Variants in ELSPBP1 observed in about 807,000 individuals in gnomAD.
The protein encoded by ELSPBP1 is epididymal sperm-binding protein 1.
In ELSPBP1, 38 loss-of-function variants were observed where a neutral mutation model predicts 33.3. The ratio of observed to expected loss-of-function variants is 1.14; its 90% CI spans 0.88 to 1.50. ELSPBP1 has a LOEUF of 1.50. ELSPBP1 is among the 40% of genes most tolerant of loss of function. ELSPBP1 has a pLI of 0.00. For synonymous variants in ELSPBP1, 85 were observed against 94.1 expected, an observed-to-expected ratio of 0.90 and a Z score of 0.56; for missense variants, 267 against 263.5, an observed-to-expected ratio of 1.01 and a Z score of -0.09.
In ELSPBP1 at chr19:48,019,727, G is replaced by A; in HGVS notation, c.364G>A (p.Gly122Arg). The change falls in exon 5 of 7, where the codon GGA becomes AGA. Residue 122 changes from glycine (G) to arginine (R), a missense_variant. Physicochemically the swap from Gly to Arg is moderately radical, Grantham distance 125. Coordinates refer to ENST00000339841, the MANE Select transcript of ELSPBP1 (RefSeq NM_022142.5). ...WKFCETNEYGGNSLRKPCIFP... is the reference protein window; with the variant it reads ...WKFCETNEYGRNSLRKPCIFP... The stretch of plus-strand genomic sequence containing the variant: ...TCCATAATCCTTTTCAGAGTATGGG[G>A]GAAATTCTCTCAGGAAGCCCTGCAT... The A allele has an allele frequency of 6.2e-7, 1 of 1,613,714 alleles. No individual in the cohort carries two copies. The highest frequency in any genetic ancestry group is 8.5e-7 in the Non-Finnish European group (1 of 1,179,886).
In ELSPBP1 at chr19:48,011,724, T is replaced by C. The variant is rs1967081954; in HGVS notation, c.71-2447T>C. Among the ~76,000 whole-genome samples the C allele has an allele frequency of 6.6e-6, 1 of 151,808 alleles. No homozygotes were observed. The highest frequency in any genetic ancestry group is 1.9e-4 in the East Asian group (1 of 5,148). The stretch of plus-strand genomic sequence containing the variant: ...TGATCATGACAATGATGATGAGCAT[T>C]ATGATGATGCCAATGACAATAGCGT... On this transcript the variant is annotated intron_variant, in intron 2 of 6. Transcript: ENST00000339841. This position sits in a 1 kb window ranked among gnomAD's most constrained non-coding sequence, Gnocchi z 4.5.
chr19:48,005,229 A>G (rs1023705029), intron 1 of ELSPBP1, among the ~76,000 whole-genome samples: 2 of 152,086 alleles, frequency 1.3e-5, no homozygotes, highest in African/African-American at 4.8e-5. Context: ...GAAAAAAGAA[A>G]AAAACAAAAA....
At chr19:48,004,387 A>C (rs1045065171) in intron 1 of ELSPBP1, among the ~76,000 whole-genome samples, 3 of 151,850 alleles carry the variant, frequency 2.0e-5, no homozygotes, top group African/African-American at 7.3e-5. Context: ...CAAACTCCTA[A>C]GCTTAAGCCA....
At chr19:48,023,532 G>GAAGGGAGGAGGGAAGGGAGGAAGT (rs1967234975) in intron 6 of ELSPBP1, among the ~76,000 whole-genome samples, 1 of 108,048 alleles carries the variant, frequency 9.3e-6, no homozygotes, top group Non-Finnish European at 2.0e-5. Context: ...AGGAAGGGAG[G>GAAGGGAGGAGGGAAGGGAGGAAGT]AAGGAAAGAA....
At chr19:47,995,373 G>A (rs73565555) in intron 1 of ELSPBP1, among the ~76,000 whole-genome samples, 2 of 152,194 alleles carry the variant, frequency 1.3e-5, no homozygotes, top group Non-Finnish European at 2.9e-5. Context: ...AAGGGAACAA[G>A]TTACCTGTTA....
chr19:48,000,137 T>A (rs1472078709), intron 1 of ELSPBP1, among the ~76,000 whole-genome samples: 1 of 151,952 alleles, frequency 6.6e-6, no homozygotes, highest in Non-Finnish European at 1.5e-5. Context: ...ATGTTTACCA[T>A]GATTATTTGT....
In ELSPBP1 at chr19:48,011,703, C is replaced by T. The variant is rs1452094104; in HGVS notation, c.71-2468C>T. ...GGTGACAATGACTGATGATGATGAT[C>T]ATGACAATGATGATGAGCATTATGA... On this transcript the variant is annotated intron_variant, in intron 2 of 6. Transcript: ENST00000339841. The surrounding 1 kb of genome is among the most constrained non-coding windows in gnomAD (Gnocchi z 4.5). Among the ~76,000 whole-genome samples, 3 of 151,284 alleles carry T rather than the reference C, an allele frequency of 2.0e-5. No individual in the cohort carries two copies. Among genetic ancestry groups the T allele is most frequent in the Non-Finnish European group, 4.4e-5 (3 of 67,858 alleles).
At chr19:48,014,068 G>A in intron 2 of ELSPBP1, 103 bp from the exon 3 acceptor site, 1 of 1,362,594 alleles carries the variant, frequency 7.3e-7, no homozygotes, top group South Asian at 1.3e-5. Context: ...GGGCAGGGAG[G>A]GAACACGGAC....
intron 6 of ELSPBP1, among the ~76,000 whole-genome samples, chr19:48,024,017 T>C (rs1967243227): frequency 6.7e-6 from 1 of 149,160 alleles, no homozygotes; most frequent in South Asian, 2.1e-4. Flanking sequence ...ATTACAGGGG[T>C]GTGCCACCAT....
intron 4 of ELSPBP1, among the ~76,000 whole-genome samples, chr19:48,016,511 TC>T (rs1568407445): frequency 1.1e-5 from 1 of 88,668 alleles, no homozygotes; most frequent in Non-Finnish European, 2.2e-5. Context: ...TTTCTTTCTT[TC>T]TTTCTTTCTT....
At chr19:48,009,362 G>A (rs2122308181) in intron 2 of ELSPBP1, among the ~76,000 whole-genome samples, 1 of 152,244 alleles carries the variant, frequency 6.6e-6, no homozygotes, top group Non-Finnish European at 1.5e-5. Flanking sequence ...GTAAAAGGCA[G>A]GCTATATAAT....
chr19:48,022,268 C>G lies in ELSPBP1; in HGVS notation c.613C>G (p.Leu205Val). The stretch of plus-strand genomic sequence containing the variant: ...CACTAACGAAGGATCAAAGGAGAAC[C>G]TTGTGTGGTGTGCAACTTCTTACAA... ...NCTNEGSKEN[L>V]VWCATSYNYD... Residue 205 changes from leucine (L) to valine (V), a missense_variant, in exon 6 of 7, where the codon CTT becomes GTT. Transcript: ENST00000339841. The G allele has an allele frequency of 6.2e-7, 1 of 1,613,726 alleles. No individual in the cohort carries two copies. Among genetic ancestry groups the G allele is most frequent in the Non-Finnish European group, 8.5e-7 (1 of 1,179,844 alleles).
At chr19:48,012,356 G>A (rs901405177) in intron 2 of ELSPBP1, among the ~76,000 whole-genome samples, 2 of 151,800 alleles carry the variant, frequency 1.3e-5, no homozygotes, top group Admixed American at 6.6e-5. Context: ...GTCTTGAAGC[G>A]ATCCGCCCAC....
chr19:47,995,556 CA>C (rs1050306850), intron 1 of ELSPBP1, among the ~76,000 whole-genome samples: 1 of 152,160 alleles, frequency 6.6e-6, no homozygotes, highest in Non-Finnish European at 1.5e-5. Context: ...CCTCCAAAGG[CA>C]GCCTAAATAT....
In ELSPBP1 at chr19:48,014,008, C is replaced by T. The variant is rs146632554; in HGVS notation, c.71-163C>T. ...ACCTAATCACCTTCCAAAGGCCCCT[C>T]GTACCATGACCGTGGGGGTTAGGAT... On this transcript the variant is annotated intron_variant, in intron 2 of 6. Coordinates refer to ENST00000339841, the MANE Select transcript of ELSPBP1 (RefSeq NM_022142.5). Among the ~76,000 whole-genome samples, 5 of 152,114 alleles carry T rather than the reference C, an allele frequency of 3.3e-5. No individual in the cohort carries two copies. The South Asian group carries it at 8.3e-4, about 25-fold the overall frequency.
chr19:48,022,397 G>A (rs1967211533), intron 6 of ELSPBP1, 63 bp downstream of exon 6: 20 of 1,411,328 alleles, frequency 1.4e-5, no homozygotes, highest in Non-Finnish European at 1.5e-5. Flanking sequence ...TGCACAACTG[G>A]TGTGTCACTG....
At chr19:48,007,299 G>A (rs1027674020) in intron 1 of ELSPBP1, among the ~76,000 whole-genome samples, 5 of 152,084 alleles carry the variant, frequency 3.3e-5, no homozygotes, top group Non-Finnish European at 5.9e-5. Flanking sequence ...AGACAGGCCC[G>A]CACTGACTCT....
At chr19:48,008,022 C>G (rs557833467) in intron 1 of ELSPBP1, among the ~76,000 whole-genome samples, 69 of 152,134 alleles carry the variant, frequency 4.5e-4, no homozygotes, top group Non-Finnish European at 7.1e-4. Flanking sequence ...GGAATACAGT[C>G]TGAGAAGTGC....
At chr19:47,999,793 G>A (rs931831684) in intron 1 of ELSPBP1, among the ~76,000 whole-genome samples, 2 of 151,554 alleles carry the variant, frequency 1.3e-5, no homozygotes, top group African/African-American at 4.9e-5. Flanking sequence ...ATAGTAGGAG[G>A]AACACAACAA....
Sources: gnomAD v4.1 joint callset for allele counts (sites outside exome capture counted in the v4.1 genomes callset) on GRCh38, gnomAD v4.1.1 for gene constraint, Gnocchi (gnomAD v3.1) non-coding constraint, MANE v1.5 for transcripts, NCBI Gene and HGNC (gene_info 2026-07-23, HGNC 2026-07-21) for gene names.